The following LRRFIP1 variants were observed in gnomAD, a reference collection of about 807,000 sequenced individuals.
LRRFIP1 encodes leucine-rich repeat flightless-interacting protein 1.
A neutral mutation model predicts 104.4 loss-of-function variants in LRRFIP1; 62 were observed. That is an observed-to-expected ratio of 0.59 (90% CI 0.48 to 0.73). The LOEUF is 0.73. LRRFIP1 is among the 30% of genes least tolerant of loss of function. The pLI is 0.00. For synonymous variants in LRRFIP1, 300 were observed against 299.0 expected, an observed-to-expected ratio of 1.00 and a Z score of -0.03; for missense variants, 796 against 824.5, an observed-to-expected ratio of 0.97 and a Z score of 0.42.
At chr2:237,662,813 C>T (rs1327525120) in intron 1 of LRRFIP1, among the ~76,000 whole-genome samples, 1 of 152,030 alleles carries the variant, frequency 6.6e-6, no homozygotes, top group Non-Finnish European at 1.5e-5. Flanking sequence ...AAAACAGGCC[C>T]GGTGGGGAAA....
intron 1 of LRRFIP1, chr2:237,692,314 C>T: frequency 8.2e-7 from 1 of 1,221,734 alleles, no homozygotes; most frequent in East Asian, 3.5e-5. Context: ...GGCTCCTGGC[C>T]CCGGAAGCGC....
Position 237,692,492 on chromosome 2 carries a change from G to A in LRRFIP1, c.97-16052G>A, listed in dbSNP as rs1318329206. The stretch of plus-strand genomic sequence containing the variant: ...CGCGGCCGCTCAAAGCCGGGAGATC[G>A]ACTGTTTGAGCCCGGAAGCGCAGAA... On this transcript the variant is annotated intron_variant, in intron 1 of 23. Coordinates refer to ENST00000308482, the MANE Select transcript of LRRFIP1 (RefSeq NM_001137550.2). 8 of 1,532,740 alleles carry A rather than the reference G, an allele frequency of 5.2e-6. No homozygotes were observed. The highest frequency in any genetic ancestry group is 3.7e-5 in the South Asian group (3 of 82,038). The allele number at this position is 1,532,740 out of a possible 1,614,324, so 94.9% of individuals were successfully genotyped here.
intron 1 of LRRFIP1, among the ~76,000 whole-genome samples, chr2:237,684,955 T>G (rs1010924303): frequency 8.1e-5 from 12 of 148,494 alleles, no homozygotes; most frequent in African/African-American, 2.7e-4. Flanking sequence ...GGCGTGGTGG[T>G]GCACACCTGC....
Position 237,735,473 on chromosome 2 carries a change from T to G in LRRFIP1, c.555+140T>G. On this transcript the variant is annotated intron_variant, in intron 10 of 23. Transcript: ENST00000308482. This position sits in a 1 kb window ranked among gnomAD's most constrained non-coding sequence, Gnocchi z 4.6. ...CGAGTCACCGGGCTAACCGCCACCTTCCATTGTAATGAAGGTCACAAATAA... is the reference window on the plus strand; with the variant it reads ...CGAGTCACCGGGCTAACCGCCACCTGCCATTGTAATGAAGGTCACAAATAA... 2.9e-6 allele frequency: 2 copies of G among 687,292 alleles called. No individual in the cohort carries two copies. The highest frequency in any genetic ancestry group is 4.7e-6 in the Non-Finnish European group (2 of 421,344). 42.6% of individuals were successfully genotyped at this position (687,292 alleles called of 1,614,324 possible).
intron 1 of LRRFIP1, among the ~76,000 whole-genome samples, chr2:237,672,894 G>T (rs1318060731): frequency 6.6e-6 from 1 of 152,214 alleles, no homozygotes; most frequent in Non-Finnish European, 1.5e-5. Context: ...CTATAGCTAA[G>T]CCACAAAATA....
chr2:237,684,145 A>C (rs1575450250), intron 1 of LRRFIP1: 2 of 149,892 alleles, frequency 1.3e-5, no homozygotes, highest in Middle Eastern at 6.9e-3. Context: ...GAAAAAATAC[A>C]TTGCTTTTAT....
At chr2:237,681,024 C>A (rs1480461394) in intron 1 of LRRFIP1, among the ~76,000 whole-genome samples, 2 of 152,170 alleles carry the variant, frequency 1.3e-5, no homozygotes, top group African/African-American at 4.8e-5. Context: ...AACAAATAGA[C>A]TCCTGAGTTA....
At chr2:237,763,785 C>T in intron 19 of LRRFIP1, 1 of 1,614,176 alleles carries the variant, frequency 6.2e-7, no homozygotes. Flanking sequence ...GGCCCGAGGG[C>T]TGGTGGTGAA....
At chr2:237,647,816 G>A (rs1388979065) in intron 1 of LRRFIP1, among the ~76,000 whole-genome samples, 3 of 151,510 alleles carry the variant, frequency 2.0e-5, no homozygotes, top group Admixed American at 6.6e-5. Flanking sequence ...GCAGGGTCAC[G>A]CCCTGTCGCC....
intron 1 of LRRFIP1, among the ~76,000 whole-genome samples, chr2:237,659,563 A>G (rs1398606572): frequency 6.7e-6 from 1 of 148,418 alleles, no homozygotes; most frequent in African/African-American, 2.4e-5. Flanking sequence ...CAAAAAAACT[A>G]TATATAATTT....
intron 1 of LRRFIP1, among the ~76,000 whole-genome samples, chr2:237,653,093 T>G (rs1216217097): frequency 1.3e-5 from 2 of 152,194 alleles, no homozygotes; most frequent in African/African-American, 4.8e-5. Context: ...ATTGTAAGTT[T>G]CCTGAGACCT....
chr2:237,735,501 T>A lies in LRRFIP1; in HGVS notation c.555+168T>A. 1 of 594,312 alleles carries A rather than the reference T, an allele frequency of 1.7e-6. No homozygotes were observed. Among genetic ancestry groups the A allele is most frequent in the Non-Finnish European group, 2.9e-6 (1 of 346,788 alleles). The allele number at this position is 594,312 out of a possible 1,614,324, so 36.8% of individuals were successfully genotyped here. ...ATTGTAATGAAGGTCACAAATAATGTGAATCAGGAAACCTCTGGTTGTTGG... is the reference window on the plus strand; with the variant it reads ...ATTGTAATGAAGGTCACAAATAATGAGAATCAGGAAACCTCTGGTTGTTGG... On this transcript the variant is annotated intron_variant, in intron 10 of 23. Transcript: ENST00000308482. This position sits in a 1 kb window ranked among gnomAD's most constrained non-coding sequence, Gnocchi z 4.6.
At chr2:237,738,219 T>A (rs1272071365) in intron 10 of LRRFIP1, among the ~76,000 whole-genome samples, 2 of 150,456 alleles carry the variant, frequency 1.3e-5, no homozygotes, top group Non-Finnish European at 3.0e-5. Context: ...GGATGAGATC[T>A]TGAGCACCCC....
At chr2:237,769,766 C>T in intron 19 of LRRFIP1, 177 bp from the exon 20 acceptor site, 1 of 599,178 alleles carries the variant, frequency 1.7e-6, no homozygotes, top group Non-Finnish European at 3.0e-6. Flanking sequence ...GACCCAACCT[C>T]CTTTGGCTGT....
intron 1 of LRRFIP1, among the ~76,000 whole-genome samples, chr2:237,634,641 T>C (rs923249207): frequency 7.2e-5 from 11 of 152,222 alleles, no homozygotes; most frequent in Non-Finnish European, 1.2e-4. Context: ...GCTCAGTAAA[T>C]GCTGGTGATG....
rs1214582363 is a variant in LRRFIP1 at position 237,629,107 on chromosome 2, C to A, written c.96+1367C>A. 3.9e-5 allele frequency among the ~76,000 whole-genome samples: 6 copies of A among 152,336 alleles called. No homozygotes were observed. The East Asian group carries it at 7.7e-4, about 20-fold the overall frequency. Reference sequence around the variant, plus strand: ...ATTTGTCCACCTGTAGAAGGTGACACCCAGACAGGAAATATCTTACTTTTG... The same window carrying A: ...ATTTGTCCACCTGTAGAAGGTGACAACCAGACAGGAAATATCTTACTTTTG... On this transcript the variant is annotated intron_variant, in intron 1 of 23. Transcript: ENST00000308482.
At position 237,667,774 on chromosome 2, in the gene LRRFIP1, C is replaced by A. The variant is rs150716800; in HGVS notation, c.96+40034C>A. Among the ~76,000 whole-genome samples, 863 of 152,236 alleles carry A rather than the reference C, an allele frequency of 5.7e-3. 9 individuals are homozygous for A. The highest frequency in any genetic ancestry group is 0.019 in the African/African-American group (791 of 41,534). On this transcript the variant is annotated intron_variant, in intron 1 of 23. Transcript: ENST00000308482. ...GGGATCCTGACGTGAAATGGCCTAA[C>A]CAGGGTGGAGTGGCAGTTGTGTTCC... is the stretch of plus-strand genomic sequence containing the variant.
At chr2:237,667,846 C>G (rs1343619023) in intron 1 of LRRFIP1, among the ~76,000 whole-genome samples, 1 of 152,158 alleles carries the variant, frequency 6.6e-6, no homozygotes, top group Non-Finnish European at 1.5e-5. Flanking sequence ...TTCCCTAACA[C>G]CATTCACTCA....
At chr2:237,718,599 C>G (rs553678678) in intron 4 of LRRFIP1, among the ~76,000 whole-genome samples, 1 of 152,318 alleles carries the variant, frequency 6.6e-6, no homozygotes, top group South Asian at 2.1e-4. Flanking sequence ...GTCCTTCTAC[C>G]TCTTCCTGTC....
Sources: gnomAD v4.1 joint callset for allele counts (sites outside exome capture counted in the v4.1 genomes callset) on GRCh38, gnomAD v4.1.1 for gene constraint, Gnocchi (gnomAD v3.1) non-coding constraint, MANE v1.5 for transcripts, NCBI Gene and HGNC (gene_info 2026-07-23, HGNC 2026-07-21) for gene names.